SYT9: variants seen among roughly 807,000 people sequenced by gnomAD.
The protein encoded by SYT9 is synaptotagmin-9.
SYT9 carries 22 observed loss-of-function variants against 48.4 expected under a neutral mutation model. The ratio of observed to expected loss-of-function variants is 0.45; its 90% CI spans 0.32 to 0.65. SYT9 has a LOEUF of 0.65. SYT9 is among the 30% of genes least tolerant of loss of function. The pLI is 0.03. For missense variants in SYT9, 577 were observed against 622.0 expected, an observed-to-expected ratio of 0.93 and a Z score of 0.77; for synonymous variants, 265 against 245.0, an observed-to-expected ratio of 1.08 and a Z score of -0.76.
At chr11:7,438,885 C>T in intron 6 of SYT9, 1 of 152,350 alleles carries the variant, frequency 6.6e-6, no homozygotes, top group East Asian at 1.9e-4. Flanking sequence ...CTGATTTCAG[C>T]ATTAGATACA....
Position 7,468,077 on chromosome 11 carries a change from T to G in SYT9, c.*1277T>G. The G allele has an allele frequency of 2.6e-6, 1 of 388,544 alleles. No homozygotes were observed. Among genetic ancestry groups the G allele is most frequent in the Non-Finnish European group, 4.5e-6 (1 of 220,038 alleles). The allele number at this position is 388,544 out of a possible 1,614,324, so 24.1% of individuals were successfully genotyped here. ...TTACCTAATGGTCCTCTCTGTCCCATTATAGGTGCAAGGCACCCCATCCAC... is the reference window on the plus strand; with the variant it reads ...TTACCTAATGGTCCTCTCTGTCCCAGTATAGGTGCAAGGCACCCCATCCAC... On this transcript the variant is annotated 3_prime_UTR_variant, in exon 7 of 7. Coordinates refer to ENST00000318881, the MANE Select transcript of SYT9 (RefSeq NM_175733.4).
chr11:7,330,024 GA>G (rs965765373), intron 3 of SYT9, among the ~76,000 whole-genome samples: 3 of 151,778 alleles, frequency 2.0e-5, no homozygotes, highest in African/African-American at 7.3e-5. Context: ...GGTGGAATTT[GA>G]AAAAGGGTAA....
chr11:7,404,320 T>G (rs557244349), intron 3 of SYT9, among the ~76,000 whole-genome samples: 1 of 152,264 alleles, frequency 6.6e-6, no homozygotes, highest in East Asian at 1.9e-4. Context: ...TAGTTTAAAT[T>G]TACTACCTTA....
chr11:7,319,399 CTATCATTTCATTG>C (rs61369250), intron 3 of SYT9, among the ~76,000 whole-genome samples: 53,746 of 151,704 alleles, frequency 0.35, 10,764 homozygotes, highest in East Asian at 0.82. Context: ...CATTATAAAA[CTATCATTTCATTG>C]TCTTCTGACC....
chr11:7,405,169 G>T (rs572083261), intron 3 of SYT9, among the ~76,000 whole-genome samples: 9 of 150,142 alleles, frequency 6.0e-5, no homozygotes, highest in African/African-American at 2.2e-4. Flanking sequence ...AAAACTTTTA[G>T]TAAGAATCTA....
chr11:7,425,956 C>T (rs1055589156), intron 6 of SYT9, among the ~76,000 whole-genome samples: 1 of 152,104 alleles, frequency 6.6e-6, no homozygotes, highest in Admixed American at 6.6e-5. Context: ...ACATTTAAAT[C>T]ACATTAAAAT....
chr11:7,423,813 A>T (rs1404115115), intron 6 of SYT9, among the ~76,000 whole-genome samples: 6 of 152,192 alleles, frequency 3.9e-5, no homozygotes, highest in Non-Finnish European at 2.9e-5. Flanking sequence ...CTAAACACAG[A>T]TGCACATATT....
At chr11:7,383,300 C>G (rs1006304320) in intron 3 of SYT9, among the ~76,000 whole-genome samples, 1 of 152,146 alleles carries the variant, frequency 6.6e-6, no homozygotes, top group Non-Finnish European at 1.5e-5. Context: ...GAAAGAGGCT[C>G]TGTAAGTACA....
At chr11:7,323,845 T>G (rs899241151) in intron 3 of SYT9, among the ~76,000 whole-genome samples, 2 of 151,782 alleles carry the variant, frequency 1.3e-5, no homozygotes, top group Non-Finnish European at 2.9e-5. Flanking sequence ...GCTAATATTT[T>G]AAAAATTTTG....
At chr11:7,334,209 G>A (rs775106637) in intron 3 of SYT9, among the ~76,000 whole-genome samples, 1 of 151,046 alleles carries the variant, frequency 6.6e-6, no homozygotes, top group Non-Finnish European at 1.5e-5. Context: ...ATGGAAGAGA[G>A]ACCAGAACTC....
intron 3 of SYT9, among the ~76,000 whole-genome samples, chr11:7,346,424 T>C (rs1186358677): frequency 6.6e-6 from 1 of 152,190 alleles, no homozygotes; most frequent in Non-Finnish European, 1.5e-5. Flanking sequence ...TTGCTTTTGA[T>C]AAAACTCTTC....
At chr11:7,399,599 G>A (rs1846839678) in intron 3 of SYT9, among the ~76,000 whole-genome samples, 2 of 152,180 alleles carry the variant, frequency 1.3e-5, no homozygotes, top group African/African-American at 4.8e-5. Context: ...AGTTTCCACT[G>A]ATGAAAATCT....
chr11:7,393,634 T>C (rs988631083), intron 3 of SYT9, among the ~76,000 whole-genome samples: 1 of 151,984 alleles, frequency 6.6e-6, no homozygotes, highest in African/African-American at 2.4e-5. Flanking sequence ...AGCCTCCTTC[T>C]CAATTTTTGG....
intron 6 of SYT9, among the ~76,000 whole-genome samples, chr11:7,452,444 C>T (rs1848072570): frequency 6.6e-6 from 1 of 152,208 alleles, no homozygotes; most frequent in Non-Finnish European, 1.5e-5. Flanking sequence ...AATCTTCTCT[C>T]ATCCTCTTGT....
intron 3 of SYT9, among the ~76,000 whole-genome samples, chr11:7,367,211 A>G (rs1298030699): frequency 6.8e-6 from 1 of 146,712 alleles, no homozygotes; most frequent in Non-Finnish European, 1.5e-5. Flanking sequence ...CCTCCCGAGT[A>G]GCTGGAACTA....
intron 3 of SYT9, among the ~76,000 whole-genome samples, chr11:7,315,304 A>G (rs928350916): frequency 2.0e-5 from 3 of 152,222 alleles, no homozygotes; most frequent in African/African-American, 4.8e-5. Flanking sequence ...CCAAATCCCA[A>G]CTGACAAAAT....
intron 3 of SYT9, among the ~76,000 whole-genome samples, chr11:7,414,611 C>T (rs1847203808): frequency 6.7e-6 from 1 of 150,274 alleles, no homozygotes; most frequent in South Asian, 2.1e-4. Flanking sequence ...CACATGGGTC[C>T]CTTGAGGTCA....
In SYT9 at chr11:7,252,332, G is replaced by A. The variant is rs1201064270; in HGVS notation, c.145+1G>A. On this transcript the variant is annotated splice_donor_variant, in intron 1 of 6. Transcript: ENST00000318881. LOFTEE classifies it high-confidence loss of function. This position sits in a 1 kb window ranked among gnomAD's most constrained non-coding sequence, Gnocchi z 6.3. ...GCCAGACCCCGGCTCCGCGACCCAG[G>A]TGAGTGCCGCCACCGCCGCCTGGAG... 6.8e-7 allele frequency: 1 copy of A among 1,472,762 alleles called. No homozygotes were observed. Among genetic ancestry groups the A allele is most frequent in the Non-Finnish European group, 9.0e-7 (1 of 1,111,460 alleles). 91.2% of individuals were successfully genotyped at this position (1,472,762 alleles called of 1,614,324 possible).
chr11:7,241,163 AAG>A (rs1250947906), intron 1 of SYT9, among the ~76,000 whole-genome samples: 3 of 151,942 alleles, frequency 2.0e-5, no homozygotes, highest in Admixed American at 2.0e-4. Flanking sequence ...AGCCTAGAAA[AAG>A]AGTTACTCTA....
Sources: gnomAD v4.1 joint callset for allele counts (sites outside exome capture counted in the v4.1 genomes callset) on GRCh38, gnomAD v4.1.1 for gene constraint, Gnocchi (gnomAD v3.1) non-coding constraint, MANE v1.5 for transcripts, NCBI Gene and HGNC (gene_info 2026-07-23, HGNC 2026-07-21) for gene names.